The following NOVA1 variants were observed in gnomAD, a reference collection of about 807,000 sequenced individuals.
NOVA1 encodes RNA-binding protein Nova-1.
A neutral mutation model predicts 38.0 loss-of-function variants in NOVA1; 7 were observed. The observed-to-expected ratio is 0.18, with a 90% CI of 0.10 to 0.35. The LOEUF is 0.35. NOVA1 is among the 10% of genes least tolerant of loss of function. The pLI is 1.00. For synonymous variants in NOVA1, 270 were observed against 232.5 expected, an observed-to-expected ratio of 1.16 and a Z score of -1.47; for missense variants, 460 against 616.0, an observed-to-expected ratio of 0.75 and a Z score of 2.68.
intron 2 of NOVA1, among the ~76,000 whole-genome samples, chr14:26,533,786 G>A (rs1262890493): frequency 6.6e-6 from 1 of 152,114 alleles, no homozygotes; most frequent in Non-Finnish European, 1.5e-5. Context: ...ACAGCACCTA[G>A]CACAATGCTT....
At chr14:26,501,576 T>C (rs1887244134) in intron 2 of NOVA1, among the ~76,000 whole-genome samples, 1 of 151,974 alleles carries the variant, frequency 6.6e-6, no homozygotes, top group African/African-American at 2.4e-5. Context: ...TAATATATTA[T>C]TTTATCTTCT....
At position 26,559,751 on chromosome 14, in the gene NOVA1, G is replaced by C. The variant is rs551126566; in HGVS notation, c.280+35659C>G. Among the ~76,000 whole-genome samples, 23 of 152,070 alleles carry C rather than the reference G, an allele frequency of 1.5e-4. No individual in the cohort carries two copies. The East Asian group carries it at 4.5e-3, about 29-fold the overall frequency. ...AGAGGCTGGGAAGGGTTGAGTGGAG[G>C]GATAAAAAGAGGTTGATTAATGGGT... On this transcript the variant is annotated intron_variant, in intron 2 of 4. Transcript: ENST00000539517.
intron 2 of NOVA1, among the ~76,000 whole-genome samples, chr14:26,491,361 T>C (rs1886334475): frequency 6.6e-6 from 1 of 152,152 alleles, no homozygotes; most frequent in Non-Finnish European, 1.5e-5. Context: ...ATTGTATAAA[T>C]TATTTTCAAA....
intron 2 of NOVA1, among the ~76,000 whole-genome samples, chr14:26,492,241 T>C (rs575009093): frequency 3.0e-4 from 45 of 152,242 alleles, no homozygotes; most frequent in Non-Finnish European, 6.3e-4. Flanking sequence ...TTGCTTAATT[T>C]ATTAGCTCTA....
chr14:26,534,376 G>GA (rs1889928237), intron 2 of NOVA1, among the ~76,000 whole-genome samples: 3 of 151,818 alleles, frequency 2.0e-5, no homozygotes, highest in African/African-American at 7.3e-5. Flanking sequence ...CTATGATTAG[G>GA]AAAAAATACC....
chr14:26,556,733 C>T (rs988380416), intron 2 of NOVA1, among the ~76,000 whole-genome samples: 5 of 152,084 alleles, frequency 3.3e-5, no homozygotes, highest in Non-Finnish European at 5.9e-5. Context: ...TAGGGAAAAA[C>T]ACATACCTCA....
chr14:26,585,101 T>G (rs1893439593), intron 2 of NOVA1, among the ~76,000 whole-genome samples: 1 of 151,512 alleles, frequency 6.6e-6, no homozygotes. Flanking sequence ...AAGAGTGCTA[T>G]CTATTAAATC....
chr14:26,554,356 A>G (rs745445799), intron 2 of NOVA1, among the ~76,000 whole-genome samples: 3 of 152,112 alleles, frequency 2.0e-5, no homozygotes, highest in East Asian at 3.9e-4. Context: ...TATGAGAAAA[A>G]AAAACAAAAC....
chr14:26,590,424 C>T (rs1893772744), intron 2 of NOVA1, among the ~76,000 whole-genome samples: 1 of 151,834 alleles, frequency 6.6e-6, no homozygotes, highest in African/African-American at 2.4e-5. Flanking sequence ...ACTGAGACTC[C>T]ACAGTTAAAA....
chr14:26,518,454 G>T (rs1046401151), intron 2 of NOVA1, among the ~76,000 whole-genome samples: 20 of 151,888 alleles, frequency 1.3e-4, no homozygotes, highest in African/African-American at 4.8e-4. Flanking sequence ...TTAATGCTAC[G>T]ACAAATCATT....
intron 4 of NOVA1, among the ~76,000 whole-genome samples, chr14:26,452,201 T>C (rs1193035168): frequency 1.3e-5 from 2 of 152,232 alleles, no homozygotes; most frequent in Non-Finnish European, 2.9e-5. Context: ...CTTTTTTCTC[T>C]GAATAATTAA....
At chr14:26,588,757 A>G (rs1473855189) in intron 2 of NOVA1, among the ~76,000 whole-genome samples, 2 of 151,524 alleles carry the variant, frequency 1.3e-5, no homozygotes, top group Non-Finnish European at 3.0e-5. Context: ...AAAATAGTCA[A>G]TCATGTCAAA....
Position 26,597,447 on chromosome 14 carries a change from C to G in NOVA1, c.-11G>C. 1 of 1,290,418 alleles carries G rather than the reference C, an allele frequency of 7.7e-7. No homozygotes were observed. The allele number at this position is 1,290,418 out of a possible 1,614,324, so 79.9% of individuals were successfully genotyped here. On this transcript the variant is annotated 5_prime_UTR_variant, in exon 1 of 5. Transcript: ENST00000539517. ...AGCTGCCGCCATCATGTTTGCAGTT[C>G]CTGCCGCTGCTACCGGGAGAAGGTT...
At chr14:26,457,202 A>C (rs1883254665) in intron 4 of NOVA1, among the ~76,000 whole-genome samples, 1 of 152,096 alleles carries the variant, frequency 6.6e-6, no homozygotes, top group Admixed American at 6.6e-5. Context: ...CAATTAAAAA[A>C]TAATTTTGGC....
intron 2 of NOVA1, among the ~76,000 whole-genome samples, chr14:26,591,448 A>G (rs1893836592): frequency 6.6e-6 from 1 of 151,688 alleles, no homozygotes; most frequent in South Asian, 2.1e-4. Flanking sequence ...TACTTGTTAC[A>G]GTTCTATTTA....
At chr14:26,452,103 T>C (rs570370828) in intron 4 of NOVA1, among the ~76,000 whole-genome samples, 1 of 152,304 alleles carries the variant, frequency 6.6e-6, no homozygotes, top group East Asian at 1.9e-4. Flanking sequence ...TTAATAAAAG[T>C]AAATACTTAA....
chr14:26,458,050 T>C (rs1033719708), intron 4 of NOVA1, among the ~76,000 whole-genome samples: 1 of 152,046 alleles, frequency 6.6e-6, no homozygotes, highest in African/African-American at 2.4e-5. Context: ...AAAGAAGACA[T>C]ACATGTGGCC....
At chr14:26,515,527 T>C (rs1364139197) in intron 2 of NOVA1, among the ~76,000 whole-genome samples, 1 of 152,082 alleles carries the variant, frequency 6.6e-6, no homozygotes, top group East Asian at 1.9e-4. Flanking sequence ...AAATACTTTG[T>C]TTAATAAAAG....
intron 2 of NOVA1, among the ~76,000 whole-genome samples, chr14:26,579,769 T>C (rs1001265429): frequency 6.6e-6 from 1 of 152,068 alleles, no homozygotes; most frequent in Non-Finnish European, 1.5e-5. Context: ...GAAAGATACG[T>C]TTAGTAGAAT....
Sources: allele counts gnomAD v4.1 joint callset (sites outside exome capture counted in the v4.1 genomes callset), GRCh38; gene constraint gnomAD v4.1.1; transcripts MANE v1.5; gene names NCBI Gene and HGNC (gene_info 2026-07-23, HGNC 2026-07-21).